SALL4: variants seen among roughly 807,000 people sequenced by gnomAD.
SALL4 encodes the protein sal-like protein 4.
A neutral mutation model predicts 60.8 loss-of-function variants in SALL4; 4 were observed. The observed-to-expected ratio is 0.07, with a 90% confidence interval of 0.03 to 0.15. The LOEUF (loss-of-function observed/expected upper bound fraction) is 0.15, where lower values mean the gene tolerates loss of function less well. Ranked by LOEUF, SALL4 falls within the 10% of genes least tolerant of loss-of-function variation. The pLI, the probability that SALL4 is intolerant of heterozygous loss-of-function variation, is 1.00. For synonymous variants in SALL4, 580 were observed against 574.9 expected (o/e 1.01, Z -0.13); for missense variants, 1,178 against 1,394.7 (o/e 0.84, Z 2.48).
Position 51,790,865 on chromosome 20 carries a change from C to T in SALL4, c.1618G>A (p.Gly540Arg), listed in dbSNP as rs781036894. 1.2e-6 allele frequency: 2 copies of T among 1,613,990 alleles called. No individual in the cohort carries two copies. Among genetic ancestry groups the T allele is most frequent in the Non-Finnish European group, 8.5e-7 (1 of 1,180,034 alleles). ...SPRAGGFQGS[G>R]TPEPGSETLK... ...GTCTCTGACCCTGGCTCAGGGGTCC[C>T]ACTCCCTTGGAAGCCACCAGCCCTT... The change falls in exon 2 of 4, where the codon GGG becomes AGG. Residue 540 changes from glycine to arginine, a missense_variant. Around this residue, in one of 5 missense-constraint regions of SALL4, gnomAD observed 853 missense variants for 1,036.8 expected, o/e 0.82. Coordinates refer to ENST00000217086, the MANE Select transcript of SALL4 (RefSeq NM_020436.5). This position sits in a 1 kb window ranked among gnomAD's most constrained non-coding sequence, Gnocchi z 5.5.
In SALL4 at chr20:51,784,537, C is replaced by T; in HGVS notation, c.2890G>A (p.Val964Met). The T allele has an allele frequency of 6.2e-7, 1 of 1,614,186 alleles. No individual in the cohort carries two copies. Among genetic ancestry groups the T allele is most frequent in the South Asian group, 1.1e-5 (1 of 91,076 alleles). Residue 964 changes from valine (V) to methionine (M), a missense_variant, in exon 4 of 4, where the codon GTG becomes ATG. Val to Met is a conservative substitution (Grantham distance 21, BLOSUM62 1). Transcript: ENST00000217086. ...PKEILAPSVN[V>M]DPVVWNQYTS... is the part of the protein sequence containing the mutation. ...TACTGGTTCCACACAACAGGGTCCA[C>T]ATTCACTGAAGGGGCCAGGATTTCC...
At position 51,792,712 on chromosome 20, in the gene SALL4, C is replaced by CAAAAAAAAA. The variant is rs1568866688; in HGVS notation, c.131-361_131-360insTTTTTTTTT. On this transcript the variant is annotated intron_variant, in intron 1 of 3. Transcript: ENST00000217086. The stretch of plus-strand genomic sequence containing the variant: ...TCAAAAAAAAAAAAAAAAAAAAAGG[C>CAAAAAAAAA]AAAAAGGCTGATCCCTGAATTTCTT... 10 of 519,506 alleles carry CAAAAAAAAA rather than the reference C, an allele frequency of 1.9e-5. No homozygotes were observed. The African/African-American group carries it at 2.5e-4, about 13-fold the overall frequency. The allele number at this position is 519,506 out of a possible 1,614,324, so 32.2% of individuals were successfully genotyped here.
At chr20:51,787,774 TGA>T (rs1019753633) in intron 3 of SALL4, among the ~76,000 whole-genome samples, 3 of 152,066 alleles carry the variant, frequency 2.0e-5, no homozygotes, top group African/African-American at 7.2e-5. Flanking sequence ...CCCAAAGTGC[TGA>T]GAGTACAGGC....
intron 1 of SALL4, among the ~76,000 whole-genome samples, chr20:51,794,773 A>C (rs1225010706): frequency 6.6e-6 from 1 of 152,240 alleles, no homozygotes; most frequent in Non-Finnish European, 1.5e-5. Context: ...CACAGAGGAC[A>C]TGAACTTGCC....
intron 3 of SALL4, 142 bp from the exon 4 acceptor site, chr20:51,784,826 C>A: frequency 1.1e-6 from 1 of 919,904 alleles, no homozygotes; most frequent in South Asian, 1.5e-5. Context: ...GGGGTTATGC[C>A]CAGATAAACT....
rs377028033 is a variant in SALL4, at chr20:51,791,889, C to T, written c.594G>A (p.Ala198=). The part of the protein sequence containing the change: ...GTKVAVNQRS[A]DALPAPVPGA... ...CAGGCACGGGGGCAGGGAGTGCATCCGCGCTCCGCTGATTCACCGCCACCT... is the reference window on the plus strand; with the variant it reads ...CAGGCACGGGGGCAGGGAGTGCATCTGCGCTCCGCTGATTCACCGCCACCT... The change falls in exon 2 of 4, where the codon GCG becomes GCA. Residue 198 remains alanine, a synonymous_variant. Transcript: ENST00000217086. The surrounding 1 kb of genome is among the most constrained non-coding windows in gnomAD (Gnocchi z 4.6). The T allele has an allele frequency of 2.3e-5, 37 of 1,614,052 alleles. No homozygotes were observed. The Admixed American group carries it at 2.8e-4, about 12-fold the overall frequency.
At chr20:51,796,599 T>G (rs1209351473) in intron 1 of SALL4, among the ~76,000 whole-genome samples, 2 of 152,186 alleles carry the variant, frequency 1.3e-5, no homozygotes, top group East Asian at 3.9e-4. Context: ...AGCCACATAA[T>G]CAAACAAGCT....
Position 51,783,771 on chromosome 20 carries a change from C to T in SALL4, c.*494G>A, listed in dbSNP as rs996948364. Reference sequence around the variant, plus strand: ...GGCGTGGTAGCTCATGCCTGTAATCCCAGCACTTTGGGAGGCCAAGGCGGG... The same window carrying T: ...GGCGTGGTAGCTCATGCCTGTAATCTCAGCACTTTGGGAGGCCAAGGCGGG... On this transcript the variant is annotated 3_prime_UTR_variant, in exon 4 of 4. Transcript: ENST00000217086. The T allele has an allele frequency of 6.6e-5, 11 of 166,056 alleles. No individual in the cohort carries two copies. The highest frequency in any genetic ancestry group is 1.2e-4 in the Non-Finnish European group (9 of 76,004). The allele number at this position is 166,056 out of a possible 1,614,324, so 10.3% of individuals were successfully genotyped here. A position where few individuals can be genotyped will look rare whatever the true frequency, so the allele number is the denominator to read the frequency against.
chr20:51,793,771 C>T (rs1421308387), intron 1 of SALL4, among the ~76,000 whole-genome samples: 1 of 152,166 alleles, frequency 6.6e-6, no homozygotes, highest in East Asian at 1.9e-4. Flanking sequence ...CACGGGTTTC[C>T]AGGAGGGGCT....
rs2077974527 is a variant in SALL4, at chr20:51,784,323, C to T, written c.3104G>A (p.Gly1035Asp). 1 of 1,614,082 alleles carries T rather than the reference C, an allele frequency of 6.2e-7. No individual in the cohort carries two copies. Among genetic ancestry groups the T allele is most frequent in the Admixed American group, 1.7e-5 (1 of 59,996 alleles). Residue 1035 changes from glycine to aspartate, a missense_variant, in exon 4 of 4, where the codon GGC becomes GAC. By Grantham distance (94) the Gly-to-Asp change is moderately conservative. Transcript: ENST00000217086. ...ADVEKPSATD[G>D]VPKHQFPHFL... is the part of the protein sequence containing the mutation. ...GTGAGGAAACTGGTGTTTGGGAACG[C>T]CGTCAGTAGCACTTGGTTTTTCCAC... is the stretch of plus-strand genomic sequence containing the variant.
rs371749353 is a variant in SALL4 at position 51,784,362 on chromosome 20, C to G, written c.3065G>C (p.Gly1022Ala). ...TGGTTTTTCCACATCTGCACTGATA[C>G]CCGACTGGGAGCCATCCATCTTGGA... ...TVSKMDGSQS[G>A]ISADVEKPSA... The change falls in exon 4 of 4, where the codon GGT becomes GCT. Residue 1022 changes from glycine (G) to alanine (A), a missense_variant. Gly to Ala is a moderately conservative substitution (Grantham distance 60). Transcript: ENST00000217086. The G allele has an allele frequency of 6.2e-7, 1 of 1,614,170 alleles. No individual in the cohort carries two copies.
At position 51,791,887 on chromosome 20, in the gene SALL4, T is replaced by C. The variant is rs577900421; in HGVS notation, c.596A>G (p.Asp199Gly). 1.2e-5 allele frequency: 19 copies of C among 1,614,050 alleles called. No individual in the cohort carries two copies. The highest frequency in any genetic ancestry group is 6.7e-5 in the Admixed American group (4 of 60,014). Residue 199 changes from aspartate (D) to glycine (G), a missense_variant, in exon 2 of 4, where the codon GAT (aspartate) becomes GGT (glycine). Transcript: ENST00000217086. This position sits in a 1 kb window ranked among gnomAD's most constrained non-coding sequence, Gnocchi z 4.6. ...ACCAGGCACGGGGGCAGGGAGTGCATCCGCGCTCCGCTGATTCACCGCCAC... is the reference window on the plus strand; with the variant it reads ...ACCAGGCACGGGGGCAGGGAGTGCACCCGCGCTCCGCTGATTCACCGCCAC... ...TKVAVNQRSADALPAPVPGAN... is the reference protein window; with the variant it reads ...TKVAVNQRSAGALPAPVPGAN...
In SALL4 at chr20:51,784,085, G is replaced by T; in HGVS notation, c.*180C>A. 1 of 683,592 alleles carries T rather than the reference G, an allele frequency of 1.5e-6. No homozygotes were observed. The highest frequency in any genetic ancestry group is 2.5e-6 in the Non-Finnish European group (1 of 406,454). The allele number at this position is 683,592 out of a possible 1,614,324, so 42.3% of individuals were successfully genotyped here. Reference sequence around the variant, plus strand: ...TTTTATTTTTTCAACTTTTTGCAAAGCAGCATAGCAACAATCGTGATTGTA... The same window carrying T: ...TTTTATTTTTTCAACTTTTTGCAAATCAGCATAGCAACAATCGTGATTGTA... On this transcript the variant is annotated 3_prime_UTR_variant, in exon 4 of 4. Transcript: ENST00000217086.
rs543674194 is a variant in SALL4 at position 51,791,891 on chromosome 20, C to T, written c.592G>A (p.Ala198Thr). ...GTKVAVNQRS[A>T]DALPAPVPGA... ...GGCACGGGGGCAGGGAGTGCATCCG[C>T]GCTCCGCTGATTCACCGCCACCTTG... The change falls in exon 2 of 4, where the codon GCG becomes ACG. Residue 198 changes from alanine to threonine, a missense_variant. Coordinates refer to ENST00000217086, the MANE Select transcript of SALL4 (RefSeq NM_020436.5). The surrounding 1 kb of genome is among the most constrained non-coding windows in gnomAD (Gnocchi z 4.6). 24 of 1,614,210 alleles carry T rather than the reference C, an allele frequency of 1.5e-5. No homozygotes were observed. The highest frequency in any genetic ancestry group is 8.9e-5 in the East Asian group (4 of 44,878).
rs759915541 is a variant in SALL4 at position 51,791,282 on chromosome 20, G to C, written c.1201C>G (p.Leu401Val). The change falls in exon 2 of 4, where the codon CTC (leucine) becomes GTC (valine). Residue 401 changes from leucine to valine, a missense_variant. Transcript: ENST00000217086. This position sits in a 1 kb window ranked among gnomAD's most constrained non-coding sequence, Gnocchi z 4.6. ...GGTCTCTCTCCAGTGTGGGAGCGGA[G>C]GTGGATCTGCAAGGAGCTATCAGTC... ...FGTDSSLQIH[L>V]RSHTGERPFV... The C allele has an allele frequency of 1.2e-6, 2 of 1,614,098 alleles. No homozygotes were observed. The highest frequency in any genetic ancestry group is 2.2e-5 in the South Asian group (2 of 91,078).
Position 51,802,381 on chromosome 20 carries a change from G to C in SALL4, c.28C>G (p.Gln10Glu). 6.2e-7 allele frequency: 1 copy of C among 1,611,978 alleles called. No individual in the cohort carries two copies. Among genetic ancestry groups the C allele is most frequent in the Non-Finnish European group, 8.5e-7 (1 of 1,179,886 alleles). The change falls in exon 1 of 4, where the codon CAG becomes GAG. Residue 10 changes from glutamine to glutamate, a missense_variant. Around this residue, in one of 5 missense-constraint regions of SALL4, gnomAD observed 6 missense variants for 19.2 expected, o/e 0.31. Transcript: ENST00000217086. Reference protein sequence around the residue: MSRRKQAKPQHINSEEDQGE... With the variant: MSRRKQAKPEHINSEEDQGE... Reference sequence around the variant, plus strand: ...TGGTCCTCCTCCGAGTTGATGTGCTGGGGTTTCGCCTGCTTGCGCCTCGAC... The same window carrying C: ...TGGTCCTCCTCCGAGTTGATGTGCTCGGGTTTCGCCTGCTTGCGCCTCGAC...
At chr20:51,797,065 A>C (rs564409620) in intron 1 of SALL4, among the ~76,000 whole-genome samples, 1 of 152,214 alleles carries the variant, frequency 6.6e-6, no homozygotes, top group Non-Finnish European at 1.5e-5. Flanking sequence ...ACTAAAATTC[A>C]ACCTTTCTTT....
chr20:51,785,894 G>A (rs753473463), intron 3 of SALL4, among the ~76,000 whole-genome samples: 8 of 151,520 alleles, frequency 5.3e-5, no homozygotes, highest in Non-Finnish European at 5.9e-5. Flanking sequence ...CGCCTGCCTC[G>A]GCCTCCCAAA....
rs751032565 is a variant in SALL4, at chr20:51,784,390, C to T, written c.3037G>A (p.Val1013Ile). The part of the protein sequence containing the change: ...GATSVVNNAT[V>I]SKMDGSQSGI... ...GACTGGGAGCCATCCATCTTGGAGACAGTGGCGTTATTCACAACGGAGGTG... is the reference window on the plus strand; with the variant it reads ...GACTGGGAGCCATCCATCTTGGAGATAGTGGCGTTATTCACAACGGAGGTG... Residue 1013 changes from valine (V) to isoleucine (I), a missense_variant, in exon 4 of 4, where the codon GTC (valine) becomes ATC (isoleucine). Physicochemically the swap from Val to Ile is conservative, Grantham distance 29 (BLOSUM62 3). This residue lies in a region of SALL4 where 174 missense variants were observed against 169.6 expected (regional missense o/e 1.03). Transcript: ENST00000217086. 5.6e-6 allele frequency: 9 copies of T among 1,614,056 alleles called. No homozygotes were observed. In the African/African-American group the frequency reaches 1.1e-4, roughly 19 times the overall value.
Sources: gnomAD v4.1 joint callset for allele counts (sites outside exome capture counted in the v4.1 genomes callset) on GRCh38, gnomAD v4.1.1 for gene constraint, gnomAD v4.1.1 regional missense constraint, Gnocchi (gnomAD v3.1) non-coding constraint, MANE v1.5 for transcripts, NCBI Gene and HGNC (gene_info 2026-07-23, HGNC 2026-07-21) for gene names.